Variants in MTHFD2L observed in about 807,000 individuals in gnomAD.
MTHFD2L encodes bifunctional methylenetetrahydrofolate dehydrogenase/cyclohydrolase 2, mitochondrial.
MTHFD2L carries 29 observed loss-of-function variants against 34.9 expected under a neutral mutation model. The observed-to-expected ratio is 0.83, with a 90% confidence interval of 0.62 to 1.13. MTHFD2L has a LOEUF of 1.13. Ranked by LOEUF, MTHFD2L falls within the 50% of genes most tolerant of loss-of-function variation. The pLI is 0.00. For missense variants in MTHFD2L, 481 were observed against 446.5 expected, an observed-to-expected ratio of 1.08 and a Z score of -0.70; for synonymous variants, 167 against 155.7, an observed-to-expected ratio of 1.07 and a Z score of -0.54.
At chr4:74,221,972 T>G (rs1285396759) in intron 5 of MTHFD2L, among the ~76,000 whole-genome samples, 1 of 151,900 alleles carries the variant, frequency 6.6e-6, no homozygotes, top group Non-Finnish European at 1.5e-5. Flanking sequence ...CTCCCCTCAT[T>G]CCTTTTGTCT....
Position 74,174,498 on chromosome 4 carries a change from T to C in MTHFD2L, c.144-8T>C. The C allele has an allele frequency of 6.9e-7, 1 of 1,453,826 alleles. No homozygotes were observed. Among genetic ancestry groups the C allele is most frequent in the South Asian group, 1.5e-5 (1 of 64,988 alleles). 90.1% of individuals were successfully genotyped at this position (1,453,826 alleles called of 1,614,324 possible). ...TCTTTTTAGTATTTATTGTTTTGCTTTCCACAGACATGAAGCCATTATTAT... is the reference window on the plus strand; with the variant it reads ...TCTTTTTAGTATTTATTGTTTTGCTCTCCACAGACATGAAGCCATTATTAT... On this transcript the variant is annotated splice_polypyrimidine_tract_variant and splice_region_variant and intron_variant, in intron 1 of 7. Coordinates refer to ENST00000325278, the MANE Select transcript of MTHFD2L (RefSeq NM_001144978.3).
intron 7 of MTHFD2L, among the ~76,000 whole-genome samples, chr4:74,292,233 G>A (rs1749053244): frequency 6.6e-6 from 1 of 152,204 alleles, no homozygotes; most frequent in African/African-American, 2.4e-5. Flanking sequence ...TCAACTTCTA[G>A]AGACTTCTAT....
At chr4:74,236,145 C>T (rs566885533) in intron 6 of MTHFD2L, among the ~76,000 whole-genome samples, 1 of 152,234 alleles carries the variant, frequency 6.6e-6, no homozygotes, top group East Asian at 1.9e-4. Flanking sequence ...TTTCTATTAT[C>T]TGACTTGTCC....
At chr4:74,121,415 G>T (rs567988505), upstream of MTHFD2L, among the ~76,000 whole-genome samples, 54 of 151,682 alleles carry the variant, frequency 3.6e-4, no homozygotes, top group Non-Finnish European at 7.2e-4. Flanking sequence ...TCTTTGTGAA[G>T]TAGGGTTTTC....
chr4:74,182,550 T>G (rs1051310596), intron 3 of MTHFD2L, among the ~76,000 whole-genome samples: 18 of 152,220 alleles, frequency 1.2e-4, no homozygotes, highest in Admixed American at 1.0e-3. Context: ...CTTTCTCCCT[T>G]TAGATCTTAG....
upstream of MTHFD2L, among the ~76,000 whole-genome samples, chr4:74,123,838 G>A (rs1721886694): frequency 6.6e-6 from 1 of 151,900 alleles, no homozygotes; most frequent in Non-Finnish European, 1.5e-5. Flanking sequence ...AAATTATTGT[G>A]GGCCCTAGGC....
At chr4:74,260,632 T>C (rs1252783965) in intron 6 of MTHFD2L, among the ~76,000 whole-genome samples, 1 of 151,982 alleles carries the variant, frequency 6.6e-6, no homozygotes, top group Non-Finnish European at 1.5e-5. Flanking sequence ...CATTTGTGTC[T>C]TGTGAAGTGT....
At chr4:74,163,732 T>G (rs764664603) in intron 1 of MTHFD2L, among the ~76,000 whole-genome samples, 7 of 152,300 alleles carry the variant, frequency 4.6e-5, no homozygotes, top group East Asian at 1.9e-4. Flanking sequence ...GCCCTGTTTT[T>G]GGGGGGTTTC....
At chr4:74,200,018 G>A in intron 4 of MTHFD2L, 72 bp downstream of exon 4, 1 of 1,391,168 alleles carries the variant, frequency 7.2e-7, no homozygotes, top group Non-Finnish European at 1.0e-6. Context: ...GAGACTTGAT[G>A]GGACTACCTC....
At chr4:74,220,749 A>G (rs1423967341) in intron 5 of MTHFD2L, among the ~76,000 whole-genome samples, 1 of 151,542 alleles carries the variant, frequency 6.6e-6, no homozygotes, top group East Asian at 1.9e-4. Flanking sequence ...TATGAAAGCT[A>G]TTTACATCTG....
At chr4:74,115,161 T>C (rs972329565) in intron 2 of MTHFD2L, among the ~76,000 whole-genome samples, 1 of 152,240 alleles carries the variant, frequency 6.6e-6, no homozygotes, top group African/African-American at 2.4e-5. Flanking sequence ...TATTTCTTCT[T>C]CAAATATCTA....
In MTHFD2L at chr4:74,158,302, G is replaced by C. The variant is rs967347824; in HGVS notation, c.143+21G>C. On this transcript the variant is annotated intron_variant, in intron 1 of 7. Coordinates refer to ENST00000325278, the MANE Select transcript of MTHFD2L (RefSeq NM_001144978.3). ...GTGAGGTACGAGGGCTGCGGGCGCC[G>C]GGTGCGGAGCCGCTGGCGGTGGGAG... 7 of 1,275,284 alleles carry C rather than the reference G, an allele frequency of 5.5e-6. No individual in the cohort carries two copies. The Admixed American group carries it at 2.5e-4, about 46-fold the overall frequency. The allele number at this position is 1,275,284 out of a possible 1,614,324, so 79.0% of individuals were successfully genotyped here. A position where few individuals can be genotyped will look rare whatever the true frequency, so the allele number is the denominator to read the frequency against.
intron 1 of MTHFD2L, among the ~76,000 whole-genome samples, chr4:74,167,063 G>C (rs1726868367): frequency 6.6e-6 from 1 of 152,140 alleles, no homozygotes; most frequent in Admixed American, 6.5e-5. Flanking sequence ...CTAGGCTTCA[G>C]GTCTGTATTT....
At chr4:74,171,814 TTTAAAGCATATGTGTACAAAATATA>T (rs1353671350) in intron 1 of MTHFD2L, among the ~76,000 whole-genome samples, 4 of 152,280 alleles carry the variant, frequency 2.6e-5, no homozygotes, top group Admixed American at 6.5e-5. Flanking sequence ...AAAAAAATAT[TTTAAAGCATATGTGTACAAAATATA>T]TTAAAGCATA....
intron 2 of MTHFD2L, among the ~76,000 whole-genome samples, chr4:74,115,579 A>G (rs1721643308): frequency 6.6e-6 from 1 of 152,252 alleles, no homozygotes; most frequent in South Asian, 2.1e-4. Context: ...CAGTATGAAC[A>G]TGCCTTCATG....
At chr4:74,278,839 A>C (rs761035457) in intron 6 of MTHFD2L, among the ~76,000 whole-genome samples, 16 of 152,120 alleles carry the variant, frequency 1.1e-4, no homozygotes, top group Admixed American at 4.6e-4. Flanking sequence ...TAAAACCATC[A>C]CAATGCCAAT....
At chr4:74,296,177 A>G (rs151064970) in intron 7 of MTHFD2L, among the ~76,000 whole-genome samples, 3 of 152,270 alleles carry the variant, frequency 2.0e-5, no homozygotes, top group Non-Finnish European at 4.4e-5. Context: ...GATGCAAAAT[A>G]AAGATGTTGG....
intron 5 of MTHFD2L, among the ~76,000 whole-genome samples, chr4:74,210,954 A>G (rs953708882): frequency 2.0e-5 from 3 of 152,180 alleles, no homozygotes; most frequent in Non-Finnish European, 2.9e-5. Flanking sequence ...AGCAATTGTC[A>G]ATGGGAGTTC....
rs528308954 is a variant in MTHFD2L at position 74,133,189 on chromosome 4, G to C, written c.-297+7672G>C. Among the ~76,000 whole-genome samples the C allele has an allele frequency of 1.1e-4, 17 of 152,274 alleles. No homozygotes were observed. The South Asian group carries it at 3.5e-3, about 32-fold the overall frequency. On this transcript the variant is annotated intron_variant, in intron 1 of 7. Transcript: ENST00000433372. ...GTTTCCATTGTGAAGTCTGTTGCCA[G>C]ATGAACTGGAGTTGCTTTGTTATTT... is the stretch of plus-strand genomic sequence containing the variant.
Sources: allele counts gnomAD v4.1 joint callset (sites outside exome capture counted in the v4.1 genomes callset), GRCh38; gene constraint gnomAD v4.1.1; transcripts MANE v1.5; gene names NCBI Gene and HGNC (gene_info 2026-07-23, HGNC 2026-07-21).